Variants in MOB3B observed in about 807,000 individuals in gnomAD.
The protein encoded by MOB3B is MOB kinase activator 3B, also known as MOB kinase activator-like 2B.
Under a neutral mutation model 18.7 loss-of-function variants are expected in MOB3B, and 7 were observed. That is an observed-to-expected ratio of 0.37 (90% confidence interval 0.21 to 0.70). MOB3B has a LOEUF of 0.70. Among genes scored for constraint, MOB3B ranks in the 30% least tolerant of loss-of-function variants. The pLI, the probability that MOB3B is intolerant of heterozygous loss-of-function variation, is 0.52. For missense variants in MOB3B, 253 were observed against 281.3 expected, an observed-to-expected ratio of 0.90 and a Z score of 0.72; for synonymous variants, 111 against 99.9, an observed-to-expected ratio of 1.11 and a Z score of -0.66.
chr9:27,394,852 G>T (rs2131385953), intron 2 of MOB3B, among the ~76,000 whole-genome samples: 1 of 152,146 alleles, frequency 6.6e-6, no homozygotes, highest in South Asian at 2.1e-4. Flanking sequence ...TATCTTAAAA[G>T]CTGGGAATAT....
intron 2 of MOB3B, among the ~76,000 whole-genome samples, chr9:27,405,404 C>A (rs1016267016): frequency 6.6e-6 from 1 of 152,088 alleles, no homozygotes; most frequent in Non-Finnish European, 1.5e-5. Flanking sequence ...CCACGCCCAA[C>A]CTGTCCATTT....
chr9:27,481,997 T>C (rs561125366), intron 1 of MOB3B, among the ~76,000 whole-genome samples: 15 of 152,000 alleles, frequency 9.9e-5, no homozygotes, highest in Non-Finnish European at 1.9e-4. Flanking sequence ...TAAAATGCTA[T>C]TGATCCAGTG....
chr9:27,394,975 A>T (rs1821778758), intron 2 of MOB3B, among the ~76,000 whole-genome samples: 1 of 152,196 alleles, frequency 6.6e-6, no homozygotes, highest in Non-Finnish European at 1.5e-5. Context: ...ATATTGTATT[A>T]ATCATTGAGA....
At chr9:27,362,279 C>A (rs1279497182) in intron 2 of MOB3B, among the ~76,000 whole-genome samples, 2 of 152,066 alleles carry the variant, frequency 1.3e-5, no homozygotes, top group Admixed American at 6.6e-5. Flanking sequence ...CTAGCTACAG[C>A]TTATGTAGCC....
chr9:27,353,716 A>C (rs1314807231), intron 3 of MOB3B, among the ~76,000 whole-genome samples: 1 of 152,086 alleles, frequency 6.6e-6, no homozygotes, highest in Non-Finnish European at 1.5e-5. Context: ...TGCCCTAATC[A>C]GCTCTTCATT....
At chr9:27,487,984 AATGGAC>A (rs1432626528) in intron 1 of MOB3B, among the ~76,000 whole-genome samples, 1 of 152,280 alleles carries the variant, frequency 6.6e-6, no homozygotes, top group East Asian at 1.9e-4. Context: ...TGTGTCCCTG[AATGGAC>A]AGGGATTTTC....
At chr9:27,341,240 C>G (rs1025088092) in intron 3 of MOB3B, among the ~76,000 whole-genome samples, 9 of 152,194 alleles carry the variant, frequency 5.9e-5, no homozygotes, top group African/African-American at 2.2e-4. Context: ...TAATGACATG[C>G]AAGAAACGCT....
chr9:27,326,914 G>T lies in MOB3B; in HGVS notation c.*3673C>A, dbSNP rs1418806500. 1.9e-5 allele frequency: 4 copies of T among 206,442 alleles called. No individual in the cohort carries two copies. Among genetic ancestry groups the T allele is most frequent in the African/African-American group, 6.9e-5 (3 of 43,580 alleles). 12.8% of individuals were successfully genotyped at this position (206,442 alleles called of 1,614,324 possible). ...TCACAACTCACTGTACTATCTAAGA[G>T]TTTTCCCAAAAAAACCATCTGACAA... On this transcript the variant is annotated 3_prime_UTR_variant, in exon 4 of 4. Coordinates refer to ENST00000262244, the MANE Select transcript of MOB3B (RefSeq NM_024761.5).
chr9:27,461,429 T>C, intron 1 of MOB3B, among the ~76,000 whole-genome samples: 1 of 152,214 alleles, frequency 6.6e-6, no homozygotes, highest in East Asian at 1.9e-4. Context: ...GCTATTTTTT[T>C]CCCCAACGAA....
intron 2 of MOB3B, among the ~76,000 whole-genome samples, chr9:27,408,096 G>C (rs1379760334): frequency 6.6e-6 from 1 of 152,140 alleles, no homozygotes; most frequent in Admixed American, 6.5e-5. Flanking sequence ...ATCTCTGGCC[G>C]AGGCTGACAC....
intron 1 of MOB3B, among the ~76,000 whole-genome samples, chr9:27,506,857 T>G (rs1224450528): frequency 6.8e-6 from 1 of 146,186 alleles, no homozygotes; most frequent in Middle Eastern, 3.6e-3. Context: ...TTTTTTTGTA[T>G]TTTTAGTAGA....
chr9:27,443,067 T>G (rs1272565908), intron 2 of MOB3B, among the ~76,000 whole-genome samples: 1 of 152,208 alleles, frequency 6.6e-6, no homozygotes, highest in Non-Finnish European at 1.5e-5. Flanking sequence ...AACACAGATT[T>G]CTGGGCCACT....
At chr9:27,374,030 C>G (rs762651564) in intron 2 of MOB3B, among the ~76,000 whole-genome samples, 3 of 152,192 alleles carry the variant, frequency 2.0e-5, no homozygotes, top group Non-Finnish European at 4.4e-5. Context: ...GGCAAATGCC[C>G]AGCTGTAACC....
chr9:27,493,422 C>T (rs577973266), intron 1 of MOB3B, among the ~76,000 whole-genome samples: 29 of 152,238 alleles, frequency 1.9e-4, no homozygotes, highest in Middle Eastern at 3.4e-3. Context: ...GGGAGGATCA[C>T]GAGGTCAGAA....
At chr9:27,516,054 G>A (rs1162789832) in intron 1 of MOB3B, among the ~76,000 whole-genome samples, 7 of 152,220 alleles carry the variant, frequency 4.6e-5, no homozygotes, top group South Asian at 2.1e-4. Context: ...TATGGAGGCA[G>A]AGATGATGCA....
At chr9:27,505,660 C>G (rs1420443794) in intron 1 of MOB3B, among the ~76,000 whole-genome samples, 1 of 152,200 alleles carries the variant, frequency 6.6e-6, no homozygotes, top group Non-Finnish European at 1.5e-5. Context: ...ACCTCTCAGG[C>G]CCTCTTGAAA....
rs1820700617 is a variant in MOB3B, at chr9:27,325,726, C to T, written c.*4861G>A. On this transcript the variant is annotated 3_prime_UTR_variant, in exon 4 of 4. Transcript: ENST00000262244. The stretch of plus-strand genomic sequence containing the variant: ...AGTGTCAACCAAATGATGCCTCCAA[C>T]TCCTTTTAATGATTGTGCCTTGGTA... 1 of 152,200 alleles carries T rather than the reference C, an allele frequency of 6.6e-6. No individual in the cohort carries two copies. Among genetic ancestry groups the T allele is most frequent in the Non-Finnish European group, 1.5e-5 (1 of 68,026 alleles). The allele number at this position is 152,200 out of a possible 1,614,324, so 9.4% of individuals were successfully genotyped here. A position where few individuals can be genotyped will look rare whatever the true frequency, so the allele number is the denominator to read the frequency against.
At chr9:27,337,322 T>A (rs1418575578) in intron 3 of MOB3B, among the ~76,000 whole-genome samples, 1 of 152,232 alleles carries the variant, frequency 6.6e-6, no homozygotes, top group Non-Finnish European at 1.5e-5. Context: ...CCATATTTCA[T>A]TAGTTTCTTC....
intron 2 of MOB3B, among the ~76,000 whole-genome samples, chr9:27,383,213 A>G (rs1480084495): frequency 6.6e-6 from 1 of 152,196 alleles, no homozygotes; most frequent in African/African-American, 2.4e-5. Flanking sequence ...AGGTAATAAC[A>G]GAACCTCACC....
Sources: gnomAD v4.1 joint callset for allele counts (sites outside exome capture counted in the v4.1 genomes callset) on GRCh38, gnomAD v4.1.1 for gene constraint, MANE v1.5 for transcripts, NCBI Gene and HGNC (gene_info 2026-07-23, HGNC 2026-07-21) for gene names.